FAT4: variants seen among roughly 807,000 people sequenced by gnomAD.
FAT4 encodes the protein protocadherin Fat 4.
FAT4 carries 84 observed loss-of-function variants against 303.9 expected under a neutral mutation model. The observed-to-expected ratio is 0.28, with a 90% confidence interval of 0.23 to 0.33. The LOEUF (loss-of-function observed/expected upper bound fraction) is 0.33, where lower values mean the gene tolerates loss of function less well. Ranked by LOEUF, FAT4 falls within the 10% of genes least tolerant of loss-of-function variation. FAT4 has a pLI of 1.00. For missense variants in FAT4, 6,005 were observed against 6,146.8 expected (o/e 0.98, Z 0.77); for synonymous variants, 2,307 against 2,298.8 (o/e 1.00, Z -0.10).
At position 125,476,826 on chromosome 4, in the gene FAT4, A is replaced by T. The variant is rs915007150; in HGVS notation, c.12300-329A>T. On this transcript the variant is annotated intron_variant, in intron 13 of 17. Coordinates refer to ENST00000394329, the MANE Select transcript of FAT4 (RefSeq NM_001291303.3). ...CTTCAGGGAAGGAGCAGTGTAATCT[A>T]ACGTAAATATTAGAGTTGTCACTAA... is the stretch of plus-strand genomic sequence containing the variant. Among the ~76,000 whole-genome samples the T allele has an allele frequency of 2.6e-5, 4 of 152,170 alleles. No homozygotes were observed. In the South Asian group the frequency reaches 8.3e-4, roughly 31 times the overall value.
Position 125,320,255 on chromosome 4 carries a change from T to A in FAT4, c.3844T>A (p.Ser1282Thr). 10 of 1,614,170 alleles carry A rather than the reference T, an allele frequency of 6.2e-6. No homozygotes were observed. The highest frequency in any genetic ancestry group is 8.5e-6 in the Non-Finnish European group (10 of 1,180,028). Residue 1282 changes from serine to threonine, a missense_variant, in exon 2 of 18, where the codon TCC becomes ACC. Physicochemically the swap from Ser to Thr is moderately conservative, Grantham distance 58. Coordinates refer to ENST00000394329, the MANE Select transcript of FAT4 (RefSeq NM_001291303.3). ...KLDYEATPAYSLVIQAVDSGT... is the reference protein window; with the variant it reads ...KLDYEATPAYTLVIQAVDSGT... ...AGACTATGAAGCAACACCTGCCTAT[T>A]CCCTTGTAATTCAAGCAGTGGATTC... is the stretch of plus-strand genomic sequence containing the variant.
chr4:125,434,743 T>C (rs1725397242), intron 8 of FAT4, among the ~76,000 whole-genome samples: 1 of 152,234 alleles, frequency 6.6e-6, no homozygotes, highest in Non-Finnish European at 1.5e-5. Context: ...ACATGGTGAC[T>C]GAATGATCTG....
At chr4:125,463,449 A>G (rs1379516823) in intron 10 of FAT4, 114 bp from the exon 11 acceptor site, 4 of 504,600 alleles carry the variant, frequency 7.9e-6, no homozygotes, top group East Asian at 3.3e-5. Context: ...ACGTTTTTAT[A>G]TTTCTTTTCT....
At chr4:125,402,113 A>G (rs1416585863) in intron 3 of FAT4, among the ~76,000 whole-genome samples, 1 of 151,960 alleles carries the variant, frequency 6.6e-6, no homozygotes. Flanking sequence ...GAATATGAAA[A>G]AGATTGTTTT....
At position 125,415,105 on chromosome 4, in the gene FAT4, C is replaced by T. The variant is rs1390853845; in HGVS notation, c.6142C>T (p.Pro2048Ser). The stretch of plus-strand genomic sequence containing the variant: ...TATTTTGTTGGATGTAAATGATAAC[C>T]CACCGACATTTCTTTCCCCTAAATT... ...SIILLDVNDN[P>S]PTFLSPKLTY... The change falls in exon 6 of 18, where the codon CCA becomes TCA. Residue 2048 changes from proline (P) to serine (S), a missense_variant. Coordinates refer to ENST00000394329, the MANE Select transcript of FAT4 (RefSeq NM_001291303.3). 1.9e-6 allele frequency: 3 copies of T among 1,613,768 alleles called. No individual in the cohort carries two copies. The African/African-American group carries it at 4.0e-5, about 22-fold the overall frequency.
In FAT4 at chr4:125,316,752, C is replaced by G; in HGVS notation, c.341C>G (p.Ala114Gly). 6.2e-7 allele frequency: 1 copy of G among 1,614,048 alleles called. No individual in the cohort carries two copies. The change falls in exon 2 of 18, where the codon GCG becomes GGG. Residue 114 changes from alanine to glycine, a missense_variant. Transcript: ENST00000394329. This position sits in a 1 kb window ranked among gnomAD's most constrained non-coding sequence, Gnocchi z 5.7. ...ATCAACCTGGTGGTCCTTTCCAGCG[C>G]GCCCACCTACCCCACCGAAGTGCGA... Reference protein sequence around the residue: ...DVINLVVLSSAPTYPTEVRVL... With the variant: ...DVINLVVLSSGPTYPTEVRVL...
intron 2 of FAT4, among the ~76,000 whole-genome samples, chr4:125,327,000 G>C (rs1004528656): frequency 6.6e-6 from 1 of 152,136 alleles, no homozygotes; most frequent in African/African-American, 2.4e-5. Context: ...ACTCCAGGCT[G>C]GGTGACAGAA....
chr4:125,321,704 G>A, intron 2 of FAT4, 118 bp downstream of exon 2: 2 of 1,044,944 alleles, frequency 1.9e-6, no homozygotes, highest in Non-Finnish European at 2.7e-6. Flanking sequence ...TTGTGAACAG[G>A]AACACCTAAA....
At chr4:125,436,515 T>A (rs1485312920) in intron 8 of FAT4, among the ~76,000 whole-genome samples, 1 of 152,160 alleles carries the variant, frequency 6.6e-6, no homozygotes, top group East Asian at 1.9e-4. Context: ...ATAAACTGAA[T>A]GAGAACACGT....
intron 2 of FAT4, among the ~76,000 whole-genome samples, chr4:125,360,963 AT>A (rs1169043623): frequency 3.9e-3 from 568 of 144,222 alleles, no homozygotes; most frequent in Non-Finnish European, 7.2e-3. Context: ...TTTTATTTAT[AT>A]TTTTATTATT....
At chr4:125,439,945 A>G (rs1468458904) in intron 8 of FAT4, among the ~76,000 whole-genome samples, 1 of 152,220 alleles carries the variant, frequency 6.6e-6, no homozygotes, top group Non-Finnish European at 1.5e-5. Flanking sequence ...AGTTTGTGAG[A>G]CAAACATTTA....
rs879600986 is a variant in FAT4, at chr4:125,316,074, A to G, written c.-13+97A>G. On this transcript the variant is annotated intron_variant, in intron 1 of 17. Coordinates refer to ENST00000394329, the MANE Select transcript of FAT4 (RefSeq NM_001291303.3). The surrounding 1 kb of genome is among the most constrained non-coding windows in gnomAD (Gnocchi z 5.7). The stretch of plus-strand genomic sequence containing the variant: ...CCCAACTCTCATCCACCCGGGTGAA[A>G]ACGCTCAGACTATCTGGATTCAAAA... Among the ~76,000 whole-genome samples the G allele has an allele frequency of 6.6e-6, 1 of 152,148 alleles. No homozygotes were observed. The highest frequency in any genetic ancestry group is 1.5e-5 in the Non-Finnish European group (1 of 68,040).
At position 125,490,491 on chromosome 4, in the gene FAT4, G is replaced by A; in HGVS notation, c.13675G>A (p.Asp4559Asn). 2 of 1,614,150 alleles carry A rather than the reference G, an allele frequency of 1.2e-6. No homozygotes were observed. Among genetic ancestry groups the A allele is most frequent in the Non-Finnish European group, 1.7e-6 (2 of 1,180,028 alleles). Residue 4559 changes from aspartate to asparagine, a missense_variant, in exon 18 of 18, where the codon GAT becomes AAT. Transcript: ENST00000394329. ...KKKGSENVAF[D>N]DPDNIPPYGD... Reference sequence around the variant, plus strand: ...AAAGGGAAGTGAGAACGTTGCTTTTGATGACCCTGACAATATCCCTCCCTA... The same window carrying A: ...AAAGGGAAGTGAGAACGTTGCTTTTAATGACCCTGACAATATCCCTCCCTA...
intron 8 of FAT4, among the ~76,000 whole-genome samples, chr4:125,440,602 T>TGAGAGAGAGAGAGA (rs1341932028): frequency 5.2e-5 from 3 of 57,330 alleles, no homozygotes; most frequent in East Asian, 1.3e-3. Context: ...TGTGTGTGTG[T>TGAGAGAGAGAGAGA]GTGTGTGTGA....
At chr4:125,418,968 TA>T (rs1205128855) in intron 7 of FAT4, among the ~76,000 whole-genome samples, 8 of 152,268 alleles carry the variant, frequency 5.3e-5, no homozygotes, top group African/African-American at 1.9e-4. Context: ...GAGTATACTT[TA>T]AAAAATGAAT....
intron 8 of FAT4, among the ~76,000 whole-genome samples, chr4:125,445,586 C>T (rs955224723): frequency 1.3e-5 from 2 of 152,068 alleles, no homozygotes; most frequent in African/African-American, 4.8e-5. Context: ...ACCTTATACA[C>T]AAAATCAGGA....
At chr4:125,344,701 C>A (rs937860724) in intron 2 of FAT4, among the ~76,000 whole-genome samples, 1 of 152,100 alleles carries the variant, frequency 6.6e-6, no homozygotes, top group Non-Finnish European at 1.5e-5. Flanking sequence ...TGAAAAAAAT[C>A]TTTGGTTGCC....
chr4:125,424,464 G>A lies in FAT4; in HGVS notation c.7018+7842G>A, dbSNP rs904131810. 2.0e-5 allele frequency among the ~76,000 whole-genome samples: 3 copies of A among 152,064 alleles called. 1 individual carries two copies. The highest frequency in any genetic ancestry group is 4.1e-4 in the South Asian group (2 of 4,824). On this transcript the variant is annotated intron_variant, in intron 7 of 17. Transcript: ENST00000394329. ...GTTTCCTGAGGCCTCCCCAGCTCTG[G>A]GTTAATTGTGAGTCAATTAAACCTC...
At chr4:125,410,856 A>C in intron 5 of FAT4, among the ~76,000 whole-genome samples, 1 of 152,244 alleles carries the variant, frequency 6.6e-6, no homozygotes, top group Non-Finnish European at 1.5e-5. Flanking sequence ...GCATTGAGTA[A>C]AAGTTTCAAG....
Sources: allele counts gnomAD v4.1 joint callset (sites outside exome capture counted in the v4.1 genomes callset), GRCh38; gene constraint gnomAD v4.1.1; non-coding constraint Gnocchi (gnomAD v3.1); transcripts MANE v1.5; gene names NCBI Gene and HGNC (gene_info 2026-07-23, HGNC 2026-07-21).